Variants in SCD5 observed in about 807,000 individuals in gnomAD.
SCD5 encodes stearoyl-CoA desaturase 5.
Under a neutral mutation model 30.4 loss-of-function variants are expected in SCD5, and 20 were observed. The observed-to-expected ratio is 0.66, with a 90% confidence interval of 0.46 to 0.96. SCD5 has a LOEUF of 0.96. Among genes scored for constraint, SCD5 ranks in the 40% least tolerant of loss-of-function variants. SCD5 has a pLI of 0.00. For synonymous variants in SCD5, 173 were observed against 176.4 expected (o/e 0.98, Z 0.16); for missense variants, 381 against 443.3 (o/e 0.86, Z 1.26).
intron 3 of SCD5, among the ~76,000 whole-genome samples, chr4:82,669,054 C>G (rs939631468): frequency 2.6e-5 from 4 of 152,068 alleles, no homozygotes; most frequent in Admixed American, 2.0e-4. Context: ...AAGAGACTCC[C>G]CAAAGCCCTA....
rs571699413 is a variant in SCD5, at chr4:82,717,880, C to T, written c.233-12467G>A. Among the ~76,000 whole-genome samples, 5 of 151,476 alleles carry T rather than the reference C, an allele frequency of 3.3e-5. No individual in the cohort carries two copies. The South Asian group carries it at 8.3e-4, about 25-fold the overall frequency. ...GCAGTGAGCCGAGGTGGTACCACTG[C>T]ACTCCAGCCTGGGCGACAGAGTGAG... On this transcript the variant is annotated intron_variant, in intron 1 of 4. Coordinates refer to ENST00000319540, the MANE Select transcript of SCD5 (RefSeq NM_001037582.3).
At chr4:82,707,950 CA>C (rs1179099140) in intron 1 of SCD5, among the ~76,000 whole-genome samples, 3 of 152,082 alleles carry the variant, frequency 2.0e-5, no homozygotes, top group Non-Finnish European at 4.4e-5. Flanking sequence ...ATTTGTTATG[CA>C]ACAATAGATA....
intron 4 of SCD5, 136 bp downstream of exon 4, chr4:82,636,452 GAAA>G (rs36060565): frequency 3.2e-4 from 177 of 550,796 alleles, no homozygotes; most frequent in South Asian, 4.0e-4. Flanking sequence ...CTCTATCTCG[GAAA>G]AAAAAAAAAA....
In SCD5 at chr4:82,665,077, T is replaced by TATATA. The variant is rs1491137528; in HGVS notation, c.569+15629_569+15630insTATAT. On this transcript the variant is annotated intron_variant, in intron 3 of 4. Coordinates refer to ENST00000319540, the MANE Select transcript of SCD5 (RefSeq NM_001037582.3). ...ACACACACACATATATATATATATATTTTTTTTTTAATTTAATCAGGCATG... is the reference window on the plus strand; with the variant it reads ...ACACACACACATATATATATATATATATATATTTTTTTTTAATTTAATCAGGCATG... Among the ~76,000 whole-genome samples the TATATA allele has an allele frequency of 8.2e-4, 48 of 58,314 alleles. 1 individual carries two copies. The highest frequency in any genetic ancestry group is 1.9e-3 in the African/African-American group (38 of 20,046). 38.3% of individuals were successfully genotyped at this position (58,314 alleles called of 152,430 possible).
At chr4:82,745,100 C>T (rs576948006) in intron 1 of SCD5, among the ~76,000 whole-genome samples, 131 of 152,216 alleles carry the variant, frequency 8.6e-4, no homozygotes, top group Non-Finnish European at 1.6e-3. Context: ...GATTCACCAC[C>T]CCAGGAAGAA....
chr4:82,663,765 C>T (rs1383308797), intron 3 of SCD5, among the ~76,000 whole-genome samples: 1 of 152,160 alleles, frequency 6.6e-6, no homozygotes, highest in Non-Finnish European at 1.5e-5. Context: ...AATTGTTTGT[C>T]TCTGGGAGAG....
At chr4:82,637,036 G>C (rs1316535336) in intron 3 of SCD5, among the ~76,000 whole-genome samples, 1 of 152,188 alleles carries the variant, frequency 6.6e-6, no homozygotes, top group Non-Finnish European at 1.5e-5. Flanking sequence ...TTGAGAGTTG[G>C]GACAGGTAGA....
At chr4:82,723,364 C>A (rs942270491) in intron 1 of SCD5, among the ~76,000 whole-genome samples, 1 of 152,126 alleles carries the variant, frequency 6.6e-6, no homozygotes, top group Admixed American at 6.5e-5. Flanking sequence ...CCATTCAAGT[C>A]TTTTAAAAGA....
intron 1 of SCD5, among the ~76,000 whole-genome samples, chr4:82,759,200 T>A (rs1306434211): frequency 1.3e-5 from 2 of 152,158 alleles, no homozygotes; most frequent in Admixed American, 1.3e-4. Context: ...GGGAATTGAG[T>A]TCATTCTGCT....
intron 3 of SCD5, among the ~76,000 whole-genome samples, chr4:82,668,028 A>C (rs1728229104): frequency 6.6e-6 from 1 of 152,216 alleles, no homozygotes. Context: ...AAGAGGACAA[A>C]ATTCCTCACT....
chr4:82,703,316 T>C (rs1203441238), intron 2 of SCD5, among the ~76,000 whole-genome samples: 7 of 152,240 alleles, frequency 4.6e-5, no homozygotes, highest in Admixed American at 4.6e-4. Context: ...GTTTTCTATA[T>C]GACAGACATT....
At chr4:82,678,496 T>C (rs17006102) in intron 3 of SCD5, among the ~76,000 whole-genome samples, 14,558 of 152,276 alleles carry the variant, frequency 0.096, 1,088 homozygotes, top group African/African-American at 0.2. Context: ...ATCTGAACTC[T>C]TCAAATTAAT....
chr4:82,648,132 A>T (rs1277681408), intron 3 of SCD5, among the ~76,000 whole-genome samples: 1 of 152,216 alleles, frequency 6.6e-6, no homozygotes, highest in Non-Finnish European at 1.5e-5. Flanking sequence ...ACTATTTGCT[A>T]TCTCAGTCGG....
chr4:82,724,103 A>G (rs922096300), intron 1 of SCD5, among the ~76,000 whole-genome samples: 1 of 152,246 alleles, frequency 6.6e-6, no homozygotes, highest in Admixed American at 6.5e-5. Flanking sequence ...GTTAATAATT[A>G]TTGAATCTAG....
intron 1 of SCD5, among the ~76,000 whole-genome samples, chr4:82,715,181 GCACTAAGATCATGCCACTGTACTGC>G (rs1720199694): frequency 6.6e-6 from 1 of 150,524 alleles, no homozygotes; most frequent in African/African-American, 2.5e-5. Context: ...AGGTTGCAGT[GCACTAAGATCATGCCACTGTACTGC>G]AGCCTGGGTG....
At chr4:82,671,703 C>A (rs1163368542) in intron 3 of SCD5, among the ~76,000 whole-genome samples, 1 of 152,102 alleles carries the variant, frequency 6.6e-6, no homozygotes, top group Non-Finnish European at 1.5e-5. Context: ...CATGGTGAAA[C>A]CCTGTCTCTA....
intron 4 of SCD5, among the ~76,000 whole-genome samples, chr4:82,633,226 C>T (rs771958972): frequency 1.3e-5 from 2 of 152,172 alleles, no homozygotes; most frequent in Non-Finnish European, 1.5e-5. Flanking sequence ...GAAGTGAGAT[C>T]GTGCAGCGTT....
At chr4:82,712,620 C>T (rs1172797909) in intron 1 of SCD5, among the ~76,000 whole-genome samples, 1 of 151,944 alleles carries the variant, frequency 6.6e-6, no homozygotes, top group African/African-American at 2.4e-5. Context: ...CTGGCCTCAA[C>T]TTGTATTTCT....
chr4:82,695,956 G>A (rs1215252469), intron 2 of SCD5, among the ~76,000 whole-genome samples: 1 of 152,182 alleles, frequency 6.6e-6, no homozygotes, highest in African/African-American at 2.4e-5. Flanking sequence ...TTTTATAAGA[G>A]TCTTTATTGC....
Sources: gnomAD v4.1 joint callset for allele counts (sites outside exome capture counted in the v4.1 genomes callset) on GRCh38, gnomAD v4.1.1 for gene constraint, MANE v1.5 for transcripts, NCBI Gene and HGNC (gene_info 2026-07-23, HGNC 2026-07-21) for gene names.